STXBP5L: variants seen among roughly 807,000 people sequenced by gnomAD.
The protein encoded by STXBP5L is syntaxin-binding protein 5-like.
A neutral mutation model predicts 144.5 loss-of-function variants in STXBP5L; 65 were observed. The observed-to-expected ratio is 0.45, with a 90% CI of 0.37 to 0.55. The LOEUF (loss-of-function observed/expected upper bound fraction) is 0.55, where lower values mean the gene tolerates loss of function less well. STXBP5L is among the 20% of genes least tolerant of loss of function. The pLI, the probability that STXBP5L is intolerant of heterozygous loss-of-function variation, is 0.00. For missense variants in STXBP5L, 1,298 were observed against 1,405.5 expected, an observed-to-expected ratio of 0.92 and a Z score of 1.22; for synonymous variants, 505 against 469.6, an observed-to-expected ratio of 1.08 and a Z score of -0.97.
intron 14 of STXBP5L, among the ~76,000 whole-genome samples, chr3:121,243,370 G>C (rs762393964): frequency 6.6e-6 from 1 of 152,130 alleles, no homozygotes; most frequent in Non-Finnish European, 1.5e-5. Context: ...GCCCAGAGAA[G>C]ACAAATTCCC....
intron 3 of STXBP5L, among the ~76,000 whole-genome samples, chr3:120,963,588 A>G (rs1029262983): frequency 3.9e-5 from 6 of 152,150 alleles, no homozygotes; most frequent in Admixed American, 2.6e-4. Flanking sequence ...TGATTTGCAT[A>G]TGTTGAACCA....
intron 7 of STXBP5L, among the ~76,000 whole-genome samples, chr3:121,139,429 C>T (rs1475223337): frequency 6.6e-6 from 1 of 151,916 alleles, no homozygotes; most frequent in Non-Finnish European, 1.5e-5. Context: ...GAGAGGAGTA[C>T]CATTACACAT....
chr3:121,297,743 G>T (rs1043837367), intron 19 of STXBP5L, among the ~76,000 whole-genome samples: 1 of 152,188 alleles, frequency 6.6e-6, no homozygotes, highest in South Asian at 2.1e-4. Context: ...GACAGAGTGA[G>T]ACTCTGCTCC....
intron 9 of STXBP5L, among the ~76,000 whole-genome samples, chr3:121,174,606 G>A (rs574068008): frequency 1.3e-5 from 2 of 152,266 alleles, no homozygotes; most frequent in South Asian, 2.1e-4. Flanking sequence ...GGCCACTAAA[G>A]CCAATAGAAA....
intron 14 of STXBP5L, among the ~76,000 whole-genome samples, chr3:121,244,012 G>C (rs1372316520): frequency 6.6e-6 from 1 of 151,944 alleles, no homozygotes; most frequent in Non-Finnish European, 1.5e-5. Flanking sequence ...GTGTGTTTAC[G>C]TAAAATTAAA....
chr3:121,037,818 T>A (rs1022374764), intron 3 of STXBP5L, among the ~76,000 whole-genome samples: 4 of 152,066 alleles, frequency 2.6e-5, no homozygotes, highest in Non-Finnish European at 5.9e-5. Flanking sequence ...AGGAAATAAT[T>A]TTAATTAGAA....
At chr3:121,038,636 T>C (rs1795417) in intron 3 of STXBP5L, among the ~76,000 whole-genome samples, 56,833 of 151,706 alleles carry the variant, frequency 0.37, 10,851 homozygotes, top group Non-Finnish European at 0.4. Context: ...CTTTTACTTA[T>C]GTCTTCTTCA....
chr3:121,199,390 A>G (rs967216117), intron 9 of STXBP5L, among the ~76,000 whole-genome samples: 1 of 152,098 alleles, frequency 6.6e-6, no homozygotes, highest in East Asian at 1.9e-4. Context: ...GGCTGAGATG[A>G]TGGGGTTTTC....
intron 18 of STXBP5L, among the ~76,000 whole-genome samples, chr3:121,266,986 AT>A (rs1436808571): frequency 6.6e-6 from 1 of 151,384 alleles, no homozygotes; most frequent in Non-Finnish European, 1.5e-5. Flanking sequence ...ATGGAAAAAC[AT>A]TCCGTGCTCA....
intron 6 of STXBP5L, among the ~76,000 whole-genome samples, chr3:121,119,182 G>A (rs905309079): frequency 6.6e-6 from 1 of 151,426 alleles, no homozygotes; most frequent in Non-Finnish European, 1.5e-5. Flanking sequence ...GTAGAATGAA[G>A]ATAAAAATTT....
intron 19 of STXBP5L, among the ~76,000 whole-genome samples, chr3:121,303,195 AC>A (rs1335987593): frequency 6.6e-6 from 1 of 152,158 alleles, no homozygotes; most frequent in African/African-American, 2.4e-5. Flanking sequence ...GAAAAAAACA[AC>A]CCCATCAACA....
Position 121,324,556 on chromosome 3 carries a change from G to C in STXBP5L, c.2176+6016G>C, listed in dbSNP as rs1031133745. On this transcript the variant is annotated intron_variant, in intron 20 of 26. Transcript: ENST00000471454. ...TATAGGAATGAAATATCAGCTATGAGACAGAGGAATCAAGTATATCACTTG... is the reference window on the plus strand; with the variant it reads ...TATAGGAATGAAATATCAGCTATGACACAGAGGAATCAAGTATATCACTTG... 1.1e-5 allele frequency: 8 copies of C among 697,306 alleles called. No individual in the cohort carries two copies. The African/African-American group carries it at 1.4e-4, about 12-fold the overall frequency. 43.2% of individuals were successfully genotyped at this position (697,306 alleles called of 1,614,324 possible). A position where few individuals can be genotyped will look rare whatever the true frequency, so the allele number is the denominator to read the frequency against.
At chr3:121,194,443 G>GAGGATTGCTTGAGCCC (rs11276376) in intron 9 of STXBP5L, among the ~76,000 whole-genome samples, 118,313 of 150,610 alleles carry the variant, frequency 0.79, 46,707 homozygotes, top group East Asian at 0.93. Context: ...GCCTAGGCAG[G>GAGGATTGCTTGAGCCC]AGGATTGCTT....
chr3:120,967,358 A>G (rs1281589573), intron 3 of STXBP5L, among the ~76,000 whole-genome samples: 1 of 152,146 alleles, frequency 6.6e-6, no homozygotes, highest in Admixed American at 6.5e-5. Context: ...TTGGAAATGC[A>G]GAAATCACCC....
chr3:120,914,839 A>G (rs1462234314), intron 2 of STXBP5L, among the ~76,000 whole-genome samples: 1 of 152,158 alleles, frequency 6.6e-6, no homozygotes, highest in Non-Finnish European at 1.5e-5. Context: ...TAAGATGCTA[A>G]CAAGCGTAAT....
rs1053278133 is a variant in STXBP5L at position 120,941,313 on chromosome 3, A to C, written c.190-13627A>C. Among the ~76,000 whole-genome samples the C allele has an allele frequency of 2.6e-5, 4 of 151,792 alleles. No individual in the cohort carries two copies. The South Asian group carries it at 8.3e-4, about 31-fold the overall frequency. On this transcript the variant is annotated intron_variant, in intron 2 of 26. Transcript: ENST00000471454. ...ACTTTTAATCTGTAATAATCACTAGATTTAATAATACATTAGTATGCATAA... is the reference window on the plus strand; with the variant it reads ...ACTTTTAATCTGTAATAATCACTAGCTTTAATAATACATTAGTATGCATAA...
intron 2 of STXBP5L, among the ~76,000 whole-genome samples, chr3:120,928,617 A>G (rs1709762188): frequency 6.7e-6 from 1 of 149,548 alleles, no homozygotes; most frequent in South Asian, 2.1e-4. Context: ...ACTTCATATA[A>G]ATAGAATCAT....
intron 23 of STXBP5L, among the ~76,000 whole-genome samples, chr3:121,411,034 T>C (rs567414443): frequency 1.3e-5 from 2 of 152,206 alleles, no homozygotes; most frequent in Middle Eastern, 3.4e-3. Context: ...TAACTGGGAT[T>C]GGTTTGGACT....
intron 20 of STXBP5L, among the ~76,000 whole-genome samples, chr3:121,362,358 G>T (rs1313015830): frequency 1.3e-5 from 2 of 152,216 alleles, no homozygotes; most frequent in Admixed American, 6.5e-5. Context: ...CCAGGCTTGT[G>T]TCCTTCTCTT....
Sources: gnomAD v4.1 joint callset for allele counts (sites outside exome capture counted in the v4.1 genomes callset) on GRCh38, gnomAD v4.1.1 for gene constraint, MANE v1.5 for transcripts, NCBI Gene and HGNC (gene_info 2026-07-23, HGNC 2026-07-21) for gene names.